The following UBE2G1 variants were observed in gnomAD, a reference collection of about 807,000 sequenced individuals.
UBE2G1 encodes the protein ubiquitin conjugating enzyme E2 G1.
UBE2G1 carries 5 observed loss-of-function variants against 22.7 expected under a neutral mutation model. That is an observed-to-expected ratio of 0.22 (90% CI 0.12 to 0.46). The LOEUF is 0.46. UBE2G1 is among the 20% of genes least tolerant of loss of function. The pLI is 0.99. For synonymous variants in UBE2G1, 74 were observed against 67.5 expected, an observed-to-expected ratio of 1.10 and a Z score of -0.47; for missense variants, 88 against 203.9, an observed-to-expected ratio of 0.43 and a Z score of 3.46.
At chr17:4,302,094 C>G (rs553156132) in intron 2 of UBE2G1, 1 of 524,022 alleles carries the variant, frequency 1.9e-6, no homozygotes, top group Admixed American at 2.0e-5. Flanking sequence ...TTTCTCCTTA[C>G]CCCTGTGGCT....
At chr17:4,304,256 A>C (rs988594645) in intron 2 of UBE2G1, among the ~76,000 whole-genome samples, 1 of 152,112 alleles carries the variant, frequency 6.6e-6, no homozygotes, top group African/African-American at 2.4e-5. Flanking sequence ...TTGGCCTCCC[A>C]AAGTGTAGGG....
intron 1 of UBE2G1, among the ~76,000 whole-genome samples, chr17:4,316,906 C>T (rs1205902673): frequency 6.8e-6 from 1 of 147,808 alleles, no homozygotes; most frequent in African/African-American, 2.5e-5. Flanking sequence ...TGCCAATGCA[C>T]TCCAGCTTGG....
intron 5 of UBE2G1, among the ~76,000 whole-genome samples, chr17:4,274,917 G>A (rs927337025): frequency 6.6e-6 from 1 of 150,408 alleles, no homozygotes; most frequent in Non-Finnish European, 1.5e-5. Context: ...CAGCCACGGT[G>A]GCACATGCCT....
Position 4,343,275 on chromosome 17 carries a change from A to C in UBE2G1, c.46+22996T>G, listed in dbSNP as rs76753940. Among the ~76,000 whole-genome samples, 668 of 152,302 alleles carry C rather than the reference A, an allele frequency of 4.4e-3. 6 individuals carry two copies. Among genetic ancestry groups the C allele is most frequent in the African/African-American group, 0.015 (616 of 41,574 alleles). ...TAATTTTTACATGATCCTATGGCTT[A>C]AAGGCTCTAAAAGTTTATATTAATA... On this transcript the variant is annotated intron_variant, in intron 1 of 5. Transcript: ENST00000396981.
intron 2 of UBE2G1, among the ~76,000 whole-genome samples, chr17:4,299,171 T>C (rs1485224898): frequency 6.6e-6 from 1 of 152,206 alleles, no homozygotes; most frequent in Admixed American, 6.5e-5. Context: ...TATTCACTAA[T>C]CTATATATAC....
At chr17:4,280,642 CT>C (rs1232677197) in intron 5 of UBE2G1, among the ~76,000 whole-genome samples, 186 of 136,728 alleles carry the variant, frequency 1.4e-3, no homozygotes, top group Non-Finnish European at 1.2e-3. Context: ...GGCTGGGAAT[CT>C]TTTTTTTTTT....
chr17:4,280,344 T>C (rs1968873123), intron 5 of UBE2G1, among the ~76,000 whole-genome samples: 1 of 118,648 alleles, frequency 8.4e-6, no homozygotes, highest in African/African-American at 3.3e-5. Context: ...GGCTTTTTTT[T>C]TTTTTTTTTT....
intron 1 of UBE2G1, among the ~76,000 whole-genome samples, chr17:4,346,906 A>G: frequency 6.6e-6 from 1 of 151,862 alleles, no homozygotes; most frequent in Admixed American, 6.6e-5. Context: ...TAATCCCAGC[A>G]CTTTGGGAGA....
chr17:4,286,927 A>C (rs1024354850), intron 4 of UBE2G1, among the ~76,000 whole-genome samples: 1 of 151,972 alleles, frequency 6.6e-6, no homozygotes, highest in African/African-American at 2.4e-5. Flanking sequence ...CGTCTGTAAT[A>C]CCAGCTACTT....
intron 4 of UBE2G1, among the ~76,000 whole-genome samples, chr17:4,288,961 G>T (rs950823410): frequency 6.6e-6 from 1 of 151,992 alleles, no homozygotes; most frequent in Non-Finnish European, 1.5e-5. Flanking sequence ...GACCACTTGG[G>T]CCCAGGAGTT....
At chr17:4,292,064 T>C (rs932610434) in intron 3 of UBE2G1, among the ~76,000 whole-genome samples, 3 of 151,974 alleles carry the variant, frequency 2.0e-5, no homozygotes, top group Non-Finnish European at 4.4e-5. Context: ...CCCACTGTAA[T>C]GTATGGCTGG....
intron 2 of UBE2G1, among the ~76,000 whole-genome samples, chr17:4,304,658 G>C (rs1404911838): frequency 1.3e-5 from 2 of 152,022 alleles, no homozygotes; most frequent in Non-Finnish European, 2.9e-5. Context: ...GATAATCACA[G>C]CAGCTTTTAC....
intron 4 of UBE2G1, 106 bp downstream of exon 4, chr17:4,289,124 C>T: frequency 1.2e-6 from 1 of 869,134 alleles, no homozygotes; most frequent in Non-Finnish European, 1.6e-6. Flanking sequence ...CACACACACA[C>T]ACACACGCAT....
chr17:4,327,723 T>C (rs919435079), intron 1 of UBE2G1, among the ~76,000 whole-genome samples: 3 of 152,172 alleles, frequency 2.0e-5, no homozygotes, highest in South Asian at 4.1e-4. Flanking sequence ...TCCTACCTCC[T>C]TGTGTGGCAG....
rs1260531197 is a variant in UBE2G1, at chr17:4,366,481, G to C, written c.-165C>G. On this transcript the variant is annotated 5_prime_UTR_variant, in exon 1 of 6. Coordinates refer to ENST00000396981, the MANE Select transcript of UBE2G1 (RefSeq NM_003342.5). The stretch of plus-strand genomic sequence containing the variant: ...CGGCGGGAGCGGCGCCTCGCTGCCG[G>C]TGCGAGTCCGCTCGCTTCAGCTCTT... 1.2e-5 allele frequency: 7 copies of C among 570,960 alleles called. No homozygotes were observed. The highest frequency in any genetic ancestry group is 1.9e-5 in the Non-Finnish European group (7 of 363,710). The allele number at this position is 570,960 out of a possible 1,614,324, so 35.4% of individuals were successfully genotyped here.
At chr17:4,294,168 C>T (rs1023923643) in intron 3 of UBE2G1, among the ~76,000 whole-genome samples, 5 of 152,180 alleles carry the variant, frequency 3.3e-5, no homozygotes, top group Admixed American at 1.3e-4. Flanking sequence ...ATAATCCCAG[C>T]ACTTTGGGAG....
chr17:4,345,663 T>G (rs1183426074), intron 1 of UBE2G1: 2 of 152,220 alleles, frequency 1.3e-5, no homozygotes, highest in Admixed American at 1.3e-4. Flanking sequence ...ACGAGAGATA[T>G]CTGGTACTCC....
intron 5 of UBE2G1, among the ~76,000 whole-genome samples, chr17:4,279,785 T>TTACATATA (rs1968862566): frequency 1.5e-5 from 1 of 68,852 alleles, no homozygotes; most frequent in African/African-American, 4.3e-5. Context: ...CAAAAAAAAG[T>TTACATATA]TATATATATA....
At chr17:4,307,184 A>C (rs943588400) in intron 1 of UBE2G1, 61 bp from the exon 2 acceptor site, 1 of 1,392,160 alleles carries the variant, frequency 7.2e-7, no homozygotes, top group African/African-American at 1.4e-5. Context: ...CCAGTAGATA[A>C]ATTACAGAAC....
Sources: gnomAD v4.1 joint callset for allele counts (sites outside exome capture counted in the v4.1 genomes callset) on GRCh38, gnomAD v4.1.1 for gene constraint, MANE v1.5 for transcripts, NCBI Gene and HGNC (gene_info 2026-07-23, HGNC 2026-07-21) for gene names.